DTNA: variants seen among roughly 807,000 people sequenced by gnomAD.
DTNA encodes dystrobrevin alpha, also known as dystrophin-related protein 3.
DTNA carries 43 observed loss-of-function variants against 100.7 expected under a neutral mutation model. That is an observed-to-expected ratio of 0.43 (90% CI 0.33 to 0.55). The LOEUF (loss-of-function observed/expected upper bound fraction) is 0.55, where lower values mean the gene tolerates loss of function less well. Ranked by LOEUF, DTNA falls within the 20% of genes least tolerant of loss-of-function variation. The pLI is 0.04. For synonymous variants in DTNA, 349 were observed against 347.9 expected (o/e 1.00, Z -0.04); for missense variants, 798 against 953.9 (o/e 0.84, Z 2.15).
At chr18:34,873,975 G>C (rs2096790736) in intron 17 of DTNA, among the ~76,000 whole-genome samples, 1 of 152,136 alleles carries the variant, frequency 6.6e-6, no homozygotes, top group Non-Finnish European at 1.5e-5. Flanking sequence ...AGCCCATTGG[G>C]CACCCCATGG....
intron 1 of DTNA, among the ~76,000 whole-genome samples, chr18:34,572,746 C>G (rs2047716426): frequency 6.6e-6 from 1 of 152,126 alleles, no homozygotes; most frequent in Non-Finnish European, 1.5e-5. Flanking sequence ...TTCCATCTAA[C>G]TCCCACACCT....
At chr18:34,872,540 A>G (rs1391518164) in intron 17 of DTNA, among the ~76,000 whole-genome samples, 1 of 152,234 alleles carries the variant, frequency 6.6e-6, no homozygotes, top group African/African-American at 2.4e-5. Context: ...CACATCCATT[A>G]AGACCAAATT....
At chr18:34,602,737 C>T (rs749415454) in intron 1 of DTNA, among the ~76,000 whole-genome samples, 5 of 151,780 alleles carry the variant, frequency 3.3e-5, no homozygotes, top group Admixed American at 1.3e-4. Context: ...AGAGGCCCGG[C>T]GTGGTGGCTC....
chr18:34,868,418 G>T, intron 17 of DTNA: 1 of 949,554 alleles, frequency 1.1e-6, no homozygotes, highest in Non-Finnish European at 1.3e-6. Flanking sequence ...ATAAACAAAT[G>T]CTGTCCAAAT....
chr18:34,543,723 C>T (rs774489133), intron 1 of DTNA, among the ~76,000 whole-genome samples: 1 of 152,062 alleles, frequency 6.6e-6, no homozygotes, highest in African/African-American at 2.4e-5. Flanking sequence ...AAATTGTGGA[C>T]AGTAGATGAC....
At chr18:34,742,597 G>T (rs2090861592) in intron 1 of DTNA, among the ~76,000 whole-genome samples, 1 of 47,006 alleles carries the variant, frequency 2.1e-5, no homozygotes, top group African/African-American at 6.9e-5. Context: ...CACAAATTTG[G>T]GGGGGTTAAG....
chr18:34,548,022 A>T (rs1487094326), intron 1 of DTNA, among the ~76,000 whole-genome samples: 1 of 152,184 alleles, frequency 6.6e-6, no homozygotes, highest in Non-Finnish European at 1.5e-5. Context: ...AAACATAGCT[A>T]AATGTTAACG....
chr18:34,499,027 A>G (rs555114563), intron 1 of DTNA, among the ~76,000 whole-genome samples: 1 of 152,296 alleles, frequency 6.6e-6, no homozygotes, highest in South Asian at 2.1e-4. Context: ...AAATGATAGT[A>G]CAATATCACA....
At chr18:34,886,818 T>C (rs1355617757) in intron 22 of DTNA, among the ~76,000 whole-genome samples, 2 of 152,232 alleles carry the variant, frequency 1.3e-5, no homozygotes, top group East Asian at 1.9e-4. Context: ...TAAAACCTGA[T>C]AGAATGTTGT....
chr18:34,734,491 C>T (rs1467916106), intron 1 of DTNA, among the ~76,000 whole-genome samples: 1 of 152,180 alleles, frequency 6.6e-6, no homozygotes, highest in Non-Finnish European at 1.5e-5. Flanking sequence ...CGAGGCTGTG[C>T]ATGCATCTTT....
At chr18:34,840,064 G>A (rs1474238740) in intron 13 of DTNA, among the ~76,000 whole-genome samples, 1 of 152,102 alleles carries the variant, frequency 6.6e-6, no homozygotes, top group Non-Finnish European at 1.5e-5. Flanking sequence ...ATTAATACAT[G>A]AGATAATTTT....
At chr18:34,582,207 G>T (rs1198366511) in intron 1 of DTNA, among the ~76,000 whole-genome samples, 1 of 151,998 alleles carries the variant, frequency 6.6e-6, no homozygotes, top group Non-Finnish European at 1.5e-5. Context: ...AGGTGTGTGT[G>T]AACACCTTAG....
At chr18:34,866,999 A>G in intron 17 of DTNA, 3 of 1,214,916 alleles carry the variant, frequency 2.5e-6, no homozygotes, top group South Asian at 8.6e-5. Context: ...AAACAAATTA[A>G]ATTAAATTAA....
At chr18:34,647,624 G>A (rs2059999761) in intron 1 of DTNA, among the ~76,000 whole-genome samples, 1 of 152,180 alleles carries the variant, frequency 6.6e-6, no homozygotes, top group African/African-American at 2.4e-5. Flanking sequence ...AAGGCACTCA[G>A]CTATTTTGGA....
intron 1 of DTNA, among the ~76,000 whole-genome samples, chr18:34,682,939 C>T (rs1267166681): frequency 6.6e-6 from 1 of 152,024 alleles, no homozygotes; most frequent in African/African-American, 2.4e-5. Context: ...TCAAGTTTCC[C>T]ATTTTGCATA....
At chr18:34,791,057 C>A (rs1168939939) in intron 3 of DTNA, among the ~76,000 whole-genome samples, 4 of 151,998 alleles carry the variant, frequency 2.6e-5, no homozygotes, top group Non-Finnish European at 5.9e-5. Flanking sequence ...GCTGAAGTAC[C>A]CAAAGAACCC....
At chr18:34,753,366 A>AT (rs757853063) in intron 1 of DTNA, among the ~76,000 whole-genome samples, 2 of 133,150 alleles carry the variant, frequency 1.5e-5, no homozygotes, top group Non-Finnish European at 3.1e-5. Context: ...TATTTATTTT[A>AT]TTTTTTTTTT....
At chr18:34,532,673 T>A (rs2043260272) in intron 1 of DTNA, among the ~76,000 whole-genome samples, 2 of 151,870 alleles carry the variant, frequency 1.3e-5, no homozygotes, top group Non-Finnish European at 2.9e-5. Context: ...TCGCACTGTG[T>A]TAAAATCACC....
intron 17 of DTNA, among the ~76,000 whole-genome samples, chr18:34,870,417 A>G (rs549426413): frequency 1.2e-4 from 18 of 152,104 alleles, no homozygotes; most frequent in African/African-American, 3.6e-4. Context: ...TGGGTATTCT[A>G]TGCAGGCATG....
Sources: allele counts gnomAD v4.1 joint callset (sites outside exome capture counted in the v4.1 genomes callset), GRCh38; gene constraint gnomAD v4.1.1; transcripts MANE v1.5; gene names NCBI Gene and HGNC (gene_info 2026-07-23, HGNC 2026-07-21).